The following DCAF6 variants were observed in gnomAD, a reference collection of about 807,000 sequenced individuals.
The protein encoded by DCAF6 is DDB1- and CUL4-associated factor 6.
DCAF6 carries 54 observed loss-of-function variants against 125.1 expected under a neutral mutation model. The observed-to-expected ratio is 0.43, with a 90% CI of 0.35 to 0.54. DCAF6 has a LOEUF of 0.54. Among genes scored for constraint, DCAF6 ranks in the 20% least tolerant of loss-of-function variants. DCAF6 has a pLI of 0.01. For missense variants in DCAF6, 934 were observed against 1,161.7 expected, an observed-to-expected ratio of 0.80 and a Z score of 2.85; for synonymous variants, 371 against 390.4, an observed-to-expected ratio of 0.95 and a Z score of 0.58.
chr1:167,909,930 GCC>G, the DCAF6 span, among the ~76,000 whole-genome samples: 2 of 149,578 alleles, frequency 1.3e-5, no homozygotes, highest in Non-Finnish European at 2.9e-5. Context: ...ACCAGCCGGC[GCC>G]ACTGATGACC....
intron 6 of DCAF6, among the ~76,000 whole-genome samples, chr1:167,992,846 T>A (rs748736603): frequency 6.6e-6 from 1 of 152,264 alleles, no homozygotes; most frequent in Non-Finnish European, 1.5e-5. Context: ...TGCATACTAA[T>A]GTATGTAGTA....
chr1:167,951,752 T>C (rs766549181), intron 1 of DCAF6, 48 bp from the exon 2 acceptor site: 3 of 1,215,978 alleles, frequency 2.5e-6, no homozygotes, highest in South Asian at 2.5e-5. Context: ...GTTATATTTT[T>C]CTCAGTATTT....
intron 6 of DCAF6, among the ~76,000 whole-genome samples, chr1:167,992,020 G>A (rs1004288508): frequency 5.3e-5 from 8 of 152,068 alleles, no homozygotes; most frequent in Non-Finnish European, 1.0e-4. Context: ...GAAAACAATG[G>A]TAAATGTGGT....
the DCAF6 span, among the ~76,000 whole-genome samples, chr1:167,903,301 C>A: frequency 6.6e-6 from 1 of 150,564 alleles, no homozygotes; most frequent in African/African-American, 2.4e-5. Flanking sequence ...CCCTGGCTCT[C>A]ACCTGTAATC....
At chr1:167,937,283 G>C in intron 1 of DCAF6, 1 of 491,898 alleles carries the variant, frequency 2.0e-6, no homozygotes, top group Non-Finnish European at 3.8e-6. Flanking sequence ...TGGGGTCGCT[G>C]ATGGGTTGGG....
intron 13 of DCAF6, among the ~76,000 whole-genome samples, chr1:168,040,457 T>C (rs2101756721): frequency 6.6e-6 from 1 of 151,764 alleles, no homozygotes. Flanking sequence ...GGTGGTGGCT[T>C]AGACAAGGAT....
intron 2 of DCAF6, among the ~76,000 whole-genome samples, chr1:167,960,751 G>A (rs1310794466): frequency 2.0e-5 from 3 of 152,152 alleles, no homozygotes; most frequent in Non-Finnish European, 4.4e-5. Context: ...AATATGGTCT[G>A]TCTTGGTAAA....
chr1:167,990,242 C>T (rs1680642920), intron 5 of DCAF6, among the ~76,000 whole-genome samples: 1 of 151,930 alleles, frequency 6.6e-6, no homozygotes, highest in East Asian at 1.9e-4. Flanking sequence ...GTGGTGTGCA[C>T]CTGTAGTCCT....
chr1:168,020,885 A>G (rs1038264094), intron 11 of DCAF6, among the ~76,000 whole-genome samples: 6 of 152,132 alleles, frequency 3.9e-5, no homozygotes, highest in Admixed American at 2.0e-4. Flanking sequence ...TGTTCCCAAG[A>G]TTACAAATAG....
chr1:168,010,254 TTG>T (rs899306792), intron 10 of DCAF6, among the ~76,000 whole-genome samples: 1 of 152,144 alleles, frequency 6.6e-6, no homozygotes, highest in African/African-American at 2.4e-5. Flanking sequence ...CTTTAAAAAA[TTG>T]TCTCATTATA....
chr1:167,937,910 C>G (rs941317650), intron 1 of DCAF6, among the ~76,000 whole-genome samples: 1 of 151,966 alleles, frequency 6.6e-6, no homozygotes, highest in African/African-American at 2.4e-5. Flanking sequence ...AAATTTTTTT[C>G]TTTCCAGTTT....
At chr1:168,061,349 A>G (rs1471695419) in intron 17 of DCAF6, among the ~76,000 whole-genome samples, 1 of 152,230 alleles carries the variant, frequency 6.6e-6, no homozygotes. Flanking sequence ...ACATCTTTTT[A>G]TTATGAAAGT....
chr1:167,970,254 A>G (rs181149709), intron 3 of DCAF6, among the ~76,000 whole-genome samples: 210 of 152,322 alleles, frequency 1.4e-3, no homozygotes, highest in African/African-American at 5.0e-3. Flanking sequence ...AGAAATGACG[A>G]TCCCTTTGAT....
At chr1:167,896,917 G>A in the DCAF6 span, among the ~76,000 whole-genome samples, 1 of 152,168 alleles carries the variant, frequency 6.6e-6, no homozygotes, top group Non-Finnish European at 1.5e-5. Context: ...TATGTACAGA[G>A]AGGGTCATTC....
the DCAF6 span, chr1:167,920,059 A>G: frequency 1.2e-6 from 2 of 1,613,456 alleles, no homozygotes; most frequent in East Asian, 2.2e-5. Context: ...TTTTTGGAAT[A>G]ATTACAAGTG....
intron 19 of DCAF6, 105 bp downstream of exon 19, chr1:168,065,851 C>A: frequency 9.2e-7 from 1 of 1,092,352 alleles, no homozygotes; most frequent in Non-Finnish European, 1.3e-6. Flanking sequence ...ATAATCCAAA[C>A]TATCTGACTA....
At chr1:167,967,714 C>CTTTTTTTTTTTTTTTTTT (rs552208317) in intron 3 of DCAF6, among the ~76,000 whole-genome samples, 43 of 74,580 alleles carry the variant, frequency 5.8e-4, no homozygotes, top group African/African-American at 2.2e-3. Flanking sequence ...TTTCCTGTAT[C>CTTTTTTTTTTTTTTTTTT]TTTTTTTTTT....
rs769014287 is a variant in DCAF6, at chr1:167,993,216, T to C, written c.689-10T>C. 6 of 1,593,290 alleles carry C rather than the reference T, an allele frequency of 3.8e-6. No individual in the cohort carries two copies. In the Admixed American group the frequency reaches 9.1e-5, roughly 24 times the overall value. ...TATTAATTTTAAATAACTTCTTGTTTCTTTTTTAGGGAATTATGCAGGTCG... is the reference window on the plus strand; with the variant it reads ...TATTAATTTTAAATAACTTCTTGTTCCTTTTTTAGGGAATTATGCAGGTCG... On this transcript the variant is annotated splice_polypyrimidine_tract_variant and intron_variant, in intron 6 of 21. Transcript: ENST00000367840.
intron 16 of DCAF6, among the ~76,000 whole-genome samples, chr1:168,047,761 T>C (rs1028350062): frequency 1.3e-5 from 2 of 152,062 alleles, no homozygotes; most frequent in African/African-American, 4.8e-5. Flanking sequence ...AGAAAGTGAT[T>C]AGAGTAACAA....
Sources: allele counts gnomAD v4.1 joint callset (sites outside exome capture counted in the v4.1 genomes callset), GRCh38; gene constraint gnomAD v4.1.1; transcripts MANE v1.5; gene names NCBI Gene and HGNC (gene_info 2026-07-23, HGNC 2026-07-21).